The following CPNE4 variants were observed in gnomAD, a reference collection of about 807,000 sequenced individuals.
The protein encoded by CPNE4 is copine 4, also known as copine-4.
A neutral mutation model predicts 67.9 loss-of-function variants in CPNE4; 25 were observed. That is an observed-to-expected ratio of 0.37 (90% confidence interval 0.27 to 0.51). The LOEUF is 0.51. CPNE4 is among the 20% of genes least tolerant of loss of function. The probability of loss-of-function intolerance (pLI) is 0.93; values close to 1 mark genes in which losing one functional copy is unlikely to be tolerated. For synonymous variants in CPNE4, 242 were observed against 244.9 expected (o/e 0.99, Z 0.11); for missense variants, 464 against 690.8 (o/e 0.67, Z 3.68).
intron 2 of CPNE4, among the ~76,000 whole-genome samples, chr3:131,780,797 T>C (rs1356705638): frequency 6.6e-6 from 1 of 151,904 alleles, no homozygotes; most frequent in Non-Finnish European, 1.5e-5. Flanking sequence ...GATTTACCCA[T>C]GTAACAAACC....
At chr3:131,970,492 T>G (rs576194569) in intron 1 of CPNE4, among the ~76,000 whole-genome samples, 6 of 152,328 alleles carry the variant, frequency 3.9e-5, no homozygotes, top group African/African-American at 1.4e-4. Flanking sequence ...CAAAGTTTGT[T>G]CTGACATGAA....
At chr3:131,826,000 G>A (rs72987779) in intron 2 of CPNE4, among the ~76,000 whole-genome samples, 4,822 of 152,212 alleles carry the variant, frequency 0.032, 183 homozygotes, top group South Asian at 0.095. Context: ...GAATTTAGAG[G>A]GGTTAAGTAA....
chr3:131,554,630 T>A (rs545850161), intron 12 of CPNE4, among the ~76,000 whole-genome samples: 5 of 152,166 alleles, frequency 3.3e-5, no homozygotes, highest in Admixed American at 3.3e-4. Flanking sequence ...TCAAAAAGGA[T>A]ACCTAAGGGG....
chr3:131,633,870 A>G (rs1430061022), intron 7 of CPNE4, among the ~76,000 whole-genome samples: 1 of 152,120 alleles, frequency 6.6e-6, no homozygotes, highest in African/African-American at 2.4e-5. Flanking sequence ...ATTTAGAATC[A>G]TTGTTTTATA....
intron 2 of CPNE4, among the ~76,000 whole-genome samples, chr3:131,746,138 A>T (rs1393385392): frequency 6.6e-6 from 1 of 152,102 alleles, no homozygotes; most frequent in Non-Finnish European, 1.5e-5. Flanking sequence ...GTTTTAAAAA[A>T]TTTATCATCA....
chr3:131,624,507 C>T (rs913292169), intron 7 of CPNE4, among the ~76,000 whole-genome samples: 3 of 151,940 alleles, frequency 2.0e-5, no homozygotes, highest in African/African-American at 7.3e-5. Context: ...CTCAATTTAA[C>T]CATTTTTTTT....
At chr3:131,827,595 G>A (rs985976356) in intron 2 of CPNE4, among the ~76,000 whole-genome samples, 1 of 152,220 alleles carries the variant, frequency 6.6e-6, no homozygotes, top group East Asian at 1.9e-4. Context: ...AAATTCACTA[G>A]AGAATTCCTT....
At chr3:131,665,033 G>A (rs1360866359) in intron 7 of CPNE4, among the ~76,000 whole-genome samples, 1 of 152,106 alleles carries the variant, frequency 6.6e-6, no homozygotes, top group Non-Finnish European at 1.5e-5. Context: ...GGCTGAGAAA[G>A]CACTGAGTGT....
intron 2 of CPNE4, among the ~76,000 whole-genome samples, chr3:131,791,329 C>T (rs1369525559): frequency 6.6e-6 from 1 of 152,064 alleles, no homozygotes; most frequent in Non-Finnish European, 1.5e-5. Context: ...ATCAAAACCA[C>T]AGTGATTCAT....
At chr3:131,599,232 T>C (rs1472656826) in intron 7 of CPNE4, among the ~76,000 whole-genome samples, 2 of 152,220 alleles carry the variant, frequency 1.3e-5, no homozygotes, top group Non-Finnish European at 1.5e-5. Flanking sequence ...TAAACATCTA[T>C]GAAAATAATA....
At chr3:131,976,348 A>T (rs529787309) in intron 1 of CPNE4, among the ~76,000 whole-genome samples, 2 of 152,252 alleles carry the variant, frequency 1.3e-5, no homozygotes, top group Admixed American at 1.3e-4. Context: ...ACAAATGAAA[A>T]CACAACAGCA....
At chr3:131,744,718 T>G (rs955506287) in intron 2 of CPNE4, among the ~76,000 whole-genome samples, 1 of 152,260 alleles carries the variant, frequency 6.6e-6, no homozygotes, top group Non-Finnish European at 1.5e-5. Context: ...CTTTTATTAC[T>G]CAACATAATT....
At chr3:131,685,817 T>A in intron 6 of CPNE4, 58 bp downstream of exon 6, 1 of 1,153,970 alleles carries the variant, frequency 8.7e-7, no homozygotes, top group Middle Eastern at 2.0e-4. Flanking sequence ...TTTCTCAAAA[T>A]AGGTCAATTT....
intron 1 of CPNE4, among the ~76,000 whole-genome samples, chr3:131,961,286 C>A (rs1230296282): frequency 6.6e-6 from 1 of 152,018 alleles, no homozygotes; most frequent in African/African-American, 2.4e-5. Context: ...GAATTTAAAT[C>A]TTATATCCTA....
intron 2 of CPNE4, among the ~76,000 whole-genome samples, chr3:131,811,882 A>T (rs2107941645): frequency 6.6e-6 from 1 of 152,282 alleles, no homozygotes; most frequent in Non-Finnish European, 1.5e-5. Context: ...GTTAGGAAAC[A>T]GTCTCAAAGA....
intron 1 of CPNE4, among the ~76,000 whole-genome samples, chr3:131,911,660 T>C (rs537202475): frequency 6.6e-6 from 1 of 152,034 alleles, no homozygotes; most frequent in South Asian, 2.1e-4. Flanking sequence ...GTAATATTTC[T>C]GGTCTGGTGA....
chr3:131,570,517 T>C (rs1317322486), intron 10 of CPNE4, among the ~76,000 whole-genome samples: 1 of 152,074 alleles, frequency 6.6e-6, no homozygotes, highest in Non-Finnish European at 1.5e-5. Context: ...TTTTGTGTTA[T>C]CTATAACTTT....
intron 2 of CPNE4, among the ~76,000 whole-genome samples, chr3:131,828,394 A>G (rs2085246225): frequency 6.6e-6 from 1 of 152,212 alleles, no homozygotes; most frequent in Admixed American, 6.5e-5. Context: ...TACAGTATGT[A>G]CCTTTTAATA....
chr3:132,034,510 G>T (rs531951332), intron 1 of CPNE4, 57 bp downstream of exon 1: 23 of 889,414 alleles, frequency 2.6e-5, no homozygotes, highest in Non-Finnish European at 3.1e-5. Context: ...AGCTCCAACA[G>T]ACTTTGCAAT....
Sources: allele counts gnomAD v4.1 joint callset (sites outside exome capture counted in the v4.1 genomes callset), GRCh38; gene constraint gnomAD v4.1.1; transcripts MANE v1.5; gene names NCBI Gene and HGNC (gene_info 2026-07-23, HGNC 2026-07-21).